BLTP1: variants seen among roughly 807,000 people sequenced by gnomAD.
BLTP1 encodes the protein fragile site-associated protein.
At chr4:122,200,810 A>C in the BLTP1 span, 1 of 798,036 alleles carries the variant, frequency 1.3e-6, no homozygotes. Context: ...ATCTTGACTT[A>C]ATATTTCAAG....
chr4:122,301,280 C>T, the BLTP1 span: 22 of 1,544,918 alleles, frequency 1.4e-5, no homozygotes, highest in Admixed American at 1.3e-4. Context: ...AAAATTGTCC[C>T]GAACTCTTCT....
At chr4:122,334,857 T>C in the BLTP1 span, among the ~76,000 whole-genome samples, 65 of 152,046 alleles carry the variant, frequency 4.3e-4, 1 homozygote. Flanking sequence ...TATGAGCAGA[T>C]GGAAATATCA....
the BLTP1 span, among the ~76,000 whole-genome samples, chr4:122,232,486 A>G: frequency 0.028 from 4,216 of 152,244 alleles, 191 homozygotes; most frequent in African/African-American, 0.096. Context: ...GGGATAACGT[A>G]GTCCCAGCTA....
the BLTP1 span, chr4:122,279,919 G>A: frequency 1.2e-6 from 2 of 1,614,086 alleles, no homozygotes; most frequent in Non-Finnish European, 1.7e-6. Flanking sequence ...ATAGCATGAT[G>A]GTTCGAAGTT....
chr4:122,161,179 T>C, the BLTP1 span: 1 of 961,198 alleles, frequency 1.0e-6, no homozygotes, highest in Non-Finnish European at 1.2e-6. Flanking sequence ...AAGACTTTAA[T>C]ATAATGGTGT....
the BLTP1 span, chr4:122,281,406 C>CCGGGCGCGG: frequency 7.4e-7 from 1 of 1,350,350 alleles, no homozygotes; most frequent in Non-Finnish European, 9.5e-7. Context: ...TGAATATGAT[C>CCGGGCGCGG]TGATATTGGA....
chr4:122,152,411 G>T, the BLTP1 span: 1 of 985,914 alleles, frequency 1.0e-6, no homozygotes, highest in East Asian at 1.1e-4. Flanking sequence ...CCAGGGTCTG[G>T]ACCTGGGCGG....
chr4:122,224,366 C>T, the BLTP1 span: 8 of 978,246 alleles, frequency 8.2e-6, no homozygotes, highest in Non-Finnish European at 1.0e-5. Flanking sequence ...GTGTTAGGAG[C>T]TTGTGGATTC....
chr4:122,320,139 G>A, the BLTP1 span, among the ~76,000 whole-genome samples: 1 of 152,094 alleles, frequency 6.6e-6, no homozygotes, highest in Non-Finnish European at 1.5e-5. Flanking sequence ...GCCTCACATA[G>A]TTTGACACTC....
At chr4:122,287,694 T>TA in the BLTP1 span, 1 of 985,288 alleles carries the variant, frequency 1.0e-6, no homozygotes, top group East Asian at 1.1e-4. Context: ...GCGGGGGACA[T>TA]ATTTAAGTCT....
At chr4:122,281,516 A>ATT in the BLTP1 span, 6 of 1,406,976 alleles carry the variant, frequency 4.3e-6, no homozygotes, top group South Asian at 2.8e-5. Context: ...TTTTTTAATT[A>ATT]TTTTTTTTTT....
the BLTP1 span, among the ~76,000 whole-genome samples, chr4:122,302,523 G>A: frequency 2.6e-5 from 4 of 152,290 alleles, no homozygotes; most frequent in African/African-American, 7.2e-5. Context: ...AGGGGCGCCA[G>A]GAGCTGCACC....
the BLTP1 span, chr4:122,304,507 A>G: frequency 0.062 from 9,857 of 157,922 alleles, 888 homozygotes; most frequent in African/African-American, 0.2. Flanking sequence ...CACCACGCCC[A>G]GCCAAAGTAT....
chr4:122,251,814 C>T, the BLTP1 span, among the ~76,000 whole-genome samples: 1 of 152,136 alleles, frequency 6.6e-6, no homozygotes, highest in Non-Finnish European at 1.5e-5. Context: ...TTGGCTCTTC[C>T]TTTCTTCTTG....
At chr4:122,334,365 C>T in the BLTP1 span, 2 of 1,597,034 alleles carry the variant, frequency 1.3e-6, no homozygotes, top group Non-Finnish European at 8.6e-7. Context: ...TTCCAAGACG[C>T]TAAAGACTGA....
chr4:122,223,230 G>GT, the BLTP1 span: 1 of 810,026 alleles, frequency 1.2e-6, no homozygotes, highest in South Asian at 5.6e-5. Context: ...ATGAATTAGA[G>GT]TTAGCCCTTA....
the BLTP1 span, chr4:122,292,544 C>G: frequency 2.4e-6 from 2 of 845,038 alleles, no homozygotes; most frequent in East Asian, 2.4e-4. Context: ...TTTAGACTGT[C>G]AGAAGAAAAT....
chr4:122,180,047 C>CAT, the BLTP1 span: 3 of 161,372 alleles, frequency 1.9e-5, no homozygotes, highest in Non-Finnish European at 2.4e-5. Context: ...CACACACATA[C>CAT]ACACACACAC....
chr4:122,248,423 T>TATA, the BLTP1 span, among the ~76,000 whole-genome samples: 3 of 152,030 alleles, frequency 2.0e-5, no homozygotes, highest in African/African-American at 7.2e-5. Flanking sequence ...GTAGATGTCT[T>TATA]TGCTTATATG....
Sources: gnomAD v4.1 joint callset for allele counts (sites outside exome capture counted in the v4.1 genomes callset) on GRCh38, gnomAD v4.1.1 for gene constraint, MANE v1.5 for transcripts, NCBI Gene and HGNC (gene_info 2026-07-23, HGNC 2026-07-21) for gene names.